Variants in PTPRD observed in about 807,000 individuals in gnomAD.
The protein encoded by PTPRD is protein tyrosine phosphatase receptor type D, also known as receptor-type tyrosine-protein phosphatase delta.
PTPRD carries 34 observed loss-of-function variants against 214.5 expected under a neutral mutation model. That is an observed-to-expected ratio of 0.16 (90% CI 0.12 to 0.21). The LOEUF is 0.21. PTPRD is among the 10% of genes least tolerant of loss of function. The pLI, the probability that PTPRD is intolerant of heterozygous loss-of-function variation, is 1.00. For missense variants in PTPRD, 2,545 were observed against 2,398.7 expected (o/e 1.06, Z -1.27); for synonymous variants, 1,128 against 845.7 (o/e 1.33, Z -5.79).
chr9:8,885,327 G>A (rs2098477972), intron 11 of PTPRD, among the ~76,000 whole-genome samples: 1 of 151,984 alleles, frequency 6.6e-6, no homozygotes, highest in East Asian at 1.9e-4. Context: ...GGCATGGGAT[G>A]TTTAGGGATA....
At chr9:8,472,870 G>C (rs1329880357) in intron 30 of PTPRD, among the ~76,000 whole-genome samples, 1 of 152,120 alleles carries the variant, frequency 6.6e-6, no homozygotes, top group Non-Finnish European at 1.5e-5. Flanking sequence ...GTCTGGCTGG[G>C]AGTTTGGGCT....
At chr9:9,239,582 A>G (rs2130860548) in intron 9 of PTPRD, among the ~76,000 whole-genome samples, 1 of 152,288 alleles carries the variant, frequency 6.6e-6, no homozygotes, top group Admixed American at 6.5e-5. Context: ...TATGGGAGTC[A>G]GTTGCTGTGC....
intron 10 of PTPRD, among the ~76,000 whole-genome samples, chr9:9,030,276 CTTTTTTTTTTTTTTTTT>C (rs71317396): frequency 7.9e-5 from 3 of 37,928 alleles, no homozygotes; most frequent in African/African-American, 3.3e-4. Flanking sequence ...CACACTTGGG[CTTTTTTTTTTTTTTTTT>C]TTTTTTTTTT....
intron 36 of PTPRD, among the ~76,000 whole-genome samples, chr9:8,402,434 G>A (rs897295757): frequency 1.3e-5 from 2 of 152,134 alleles, no homozygotes; most frequent in African/African-American, 2.4e-5. Context: ...ATGACAAAGT[G>A]AGCAAAAGTA....
chr9:8,815,843 A>G (rs2096908843), intron 11 of PTPRD, among the ~76,000 whole-genome samples: 2 of 152,194 alleles, frequency 1.3e-5, no homozygotes, highest in Non-Finnish European at 2.9e-5. Context: ...GCTGATTAGA[A>G]AAATGGTTAT....
intron 8 of PTPRD, among the ~76,000 whole-genome samples, chr9:9,455,370 C>T (rs1377091943): frequency 6.6e-6 from 1 of 151,358 alleles, no homozygotes; most frequent in Non-Finnish European, 1.5e-5. Flanking sequence ...ATAATTATGT[C>T]TCTCTAGTTT....
At chr9:8,379,313 A>G (rs1392521) in intron 37 of PTPRD, among the ~76,000 whole-genome samples, 16,477 of 152,158 alleles carry the variant, frequency 0.11, 1,910 homozygotes, top group East Asian at 0.49. Context: ...TGACAGCAAT[A>G]CATTTTTCCC....
chr9:9,065,936 T>A (rs1022666387), intron 10 of PTPRD, among the ~76,000 whole-genome samples: 1 of 152,156 alleles, frequency 6.6e-6, no homozygotes, highest in African/African-American at 2.4e-5. Context: ...ATGGTAAAAA[T>A]TATACAAGAA....
rs12000961 is a variant in PTPRD, at chr9:9,041,292, T to A, written c.-142-22557A>T. Reference sequence around the variant, plus strand: ...AAACTTGTGTCATGGGGGTTTACTGTACAGATTATTTTGTCACTCAGGTAT... The same window carrying A: ...AAACTTGTGTCATGGGGGTTTACTGAACAGATTATTTTGTCACTCAGGTAT... On this transcript the variant is annotated intron_variant, in intron 10 of 45. Coordinates refer to ENST00000381196, the MANE Select transcript of PTPRD (RefSeq NM_002839.4). 3.0e-3 allele frequency among the ~76,000 whole-genome samples: 456 copies of A among 152,212 alleles called. 2 individuals are homozygous for A. Among genetic ancestry groups the A allele is most frequent in the African/African-American group, 0.01 (428 of 41,542 alleles).
intron 6 of PTPRD, among the ~76,000 whole-genome samples, chr9:9,738,095 C>A (rs1012462681): frequency 1.3e-5 from 2 of 151,784 alleles, no homozygotes; most frequent in African/African-American, 4.8e-5. Context: ...CACACCGGGG[C>A]CTGTTGTGAG....
chr9:10,361,637 A>G (rs2097394993), intron 2 of PTPRD, among the ~76,000 whole-genome samples: 1 of 152,198 alleles, frequency 6.6e-6, no homozygotes, highest in Non-Finnish European at 1.5e-5. Context: ...TCTACTTGGA[A>G]AAGAAACAAA....
At chr9:10,348,238 G>A (rs113717343) in intron 2 of PTPRD, among the ~76,000 whole-genome samples, 1,574 of 152,126 alleles carry the variant, frequency 0.01, 32 homozygotes, top group African/African-American at 0.036. Context: ...GCAATGTTAG[G>A]ATTGGTCAGA....
At chr9:10,079,270 C>T (rs753118868) in intron 3 of PTPRD, among the ~76,000 whole-genome samples, 9 of 152,086 alleles carry the variant, frequency 5.9e-5, no homozygotes, top group Non-Finnish European at 1.0e-4. Context: ...ACGGGCGTGC[C>T]ATTGCAGCTA....
chr9:10,031,533 G>A (rs1354852414), intron 4 of PTPRD, among the ~76,000 whole-genome samples: 1 of 150,618 alleles, frequency 6.6e-6, no homozygotes, highest in Admixed American at 6.6e-5. Context: ...CTTCAGTTGT[G>A]AGACTCGGAC....
In PTPRD at chr9:10,267,631, T is replaced by A. The variant is rs555984469; in HGVS notation, c.-545+73332A>T. On this transcript the variant is annotated intron_variant, in intron 3 of 45. Coordinates refer to ENST00000381196, the MANE Select transcript of PTPRD (RefSeq NM_002839.4). ...TGGACTGGAATATAAATTGGTACAA[T>A]GTTTCTTAAAACATTTTGGCATGTC... is the stretch of plus-strand genomic sequence containing the variant. Among the ~76,000 whole-genome samples the A allele has an allele frequency of 2.6e-5, 4 of 152,304 alleles. No homozygotes were observed. The South Asian group carries it at 8.3e-4, about 32-fold the overall frequency.
intron 3 of PTPRD, among the ~76,000 whole-genome samples, chr9:10,114,669 C>G (rs1203805475): frequency 3.3e-5 from 5 of 151,850 alleles, no homozygotes; most frequent in Admixed American, 2.6e-4. Flanking sequence ...ATGAAATATG[C>G]CCACATGCAT....
At chr9:9,446,543 TC>T (rs1378979368) in intron 8 of PTPRD, among the ~76,000 whole-genome samples, 2 of 152,188 alleles carry the variant, frequency 1.3e-5, no homozygotes, top group African/African-American at 4.8e-5. Flanking sequence ...ATTTCTTTAT[TC>T]AATTCACTGT....
intron 11 of PTPRD, among the ~76,000 whole-genome samples, chr9:8,784,374 A>T (rs140440534): frequency 1.3e-5 from 2 of 152,322 alleles, no homozygotes; most frequent in African/African-American, 4.8e-5. Flanking sequence ...CTTGTCTGTC[A>T]ATCTTTCACA....
chr9:9,458,019 T>G (rs975378175), intron 8 of PTPRD, among the ~76,000 whole-genome samples: 5 of 152,140 alleles, frequency 3.3e-5, no homozygotes, highest in African/African-American at 1.2e-4. Context: ...TTAAATGTGA[T>G]CATTAATCTA....
Sources: gnomAD v4.1 joint callset for allele counts (sites outside exome capture counted in the v4.1 genomes callset) on GRCh38, gnomAD v4.1.1 for gene constraint, MANE v1.5 for transcripts, NCBI Gene and HGNC (gene_info 2026-07-23, HGNC 2026-07-21) for gene names.